The following PHF11 variants were observed in gnomAD, a reference collection of about 807,000 sequenced individuals.
PHF11 encodes the protein BRCA1 C-terminus-associated protein.
A neutral mutation model predicts 40.5 loss-of-function variants in PHF11; 38 were observed. The ratio of observed to expected loss-of-function variants is 0.94; its 90% CI spans 0.72 to 1.23. The LOEUF (loss-of-function observed/expected upper bound fraction) is 1.23, where lower values mean the gene tolerates loss of function less well. PHF11 is among the 50% of genes most tolerant of loss of function. The pLI is 0.00. For synonymous variants in PHF11, 127 were observed against 138.2 expected (o/e 0.92, Z 0.57); for missense variants, 369 against 392.4 (o/e 0.94, Z 0.50).
chr13:49,520,670 A>G (rs1159279272), intron 4 of PHF11, among the ~76,000 whole-genome samples: 5 of 152,258 alleles, frequency 3.3e-5, no homozygotes, highest in Non-Finnish European at 7.4e-5. Flanking sequence ...TTGAAAGAAC[A>G]TAATCATCTT....
Position 49,527,404 on chromosome 13 carries a change from G to T in PHF11, c.841+946G>T, listed in dbSNP as rs1594227786. 3 of 152,270 alleles carry T rather than the reference G, an allele frequency of 2.0e-5. No homozygotes were observed. The East Asian group carries it at 5.8e-4, about 29-fold the overall frequency. 9.4% of individuals were successfully genotyped at this position (152,270 alleles called of 1,614,324 possible). A position where few individuals can be genotyped will look rare whatever the true frequency, so the allele number is the denominator to read the frequency against. On this transcript the variant is annotated intron_variant, in intron 9 of 9. Transcript: ENST00000378319. Reference sequence around the variant, plus strand: ...TTCCACAGATGCATCTGTCTCTCCAGCATATGGTAGGAAGACAATAAGATT... The same window carrying T: ...TTCCACAGATGCATCTGTCTCTCCATCATATGGTAGGAAGACAATAAGATT...
chr13:49,509,361 T>G (rs567943239), intron 2 of PHF11, among the ~76,000 whole-genome samples: 1 of 152,108 alleles, frequency 6.6e-6, no homozygotes, highest in African/African-American at 2.4e-5. Flanking sequence ...TACAGGCACA[T>G]GCCACCACGC....
chr13:49,506,908 T>TG (rs1380077319), intron 2 of PHF11, 152 bp downstream of exon 2: 1 of 515,850 alleles, frequency 1.9e-6, no homozygotes, highest in African/African-American at 2.2e-5. Context: ...CTTTTTTTTT[T>TG]TTTTTTTTTT....
In PHF11 at chr13:49,506,720, ACAAT is replaced by A; in HGVS notation, c.183_186del (p.Ser62ArgfsTer3). On this transcript the variant is annotated frameshift_variant, in exon 2 of 10. Coordinates refer to ENST00000378319, the MANE Select transcript of PHF11 (RefSeq NM_001040443.3). LOFTEE classifies it high-confidence loss of function. ...TCGAATATAATGTCCTATACTTTGCACAATCAGAGAATATAGCTGCTCATGAGAA... is the reference window on the plus strand; with the variant it reads ...TCGAATATAATGTCCTATACTTTGCACAGAGAATATAGCTGCTCATGAGAA... The A allele has an allele frequency of 6.2e-7, 1 of 1,608,872 alleles. No individual in the cohort carries two copies. Among genetic ancestry groups the A allele is most frequent in the Non-Finnish European group, 8.5e-7 (1 of 1,175,656 alleles).
chr13:49,515,732 C>G (rs1257645729), intron 3 of PHF11, among the ~76,000 whole-genome samples: 1 of 152,062 alleles, frequency 6.6e-6, no homozygotes. Flanking sequence ...GACACTCGCC[C>G]GACTGTCTCT....
At chr13:49,513,219 T>C (rs1457132553) in intron 3 of PHF11, 53 bp downstream of exon 3, 2 of 853,194 alleles carry the variant, frequency 2.3e-6, no homozygotes, top group South Asian at 1.5e-5. Flanking sequence ...CCTCAAGGAA[T>C]GCATTCCAAA....
At chr13:49,508,530 G>A (rs576203653) in intron 2 of PHF11, among the ~76,000 whole-genome samples, 1 of 150,970 alleles carries the variant, frequency 6.6e-6, no homozygotes, top group Non-Finnish European at 1.5e-5. Context: ...ATATTCCTGG[G>A]CAAGTTTTTT....
chr13:49,525,132 A>C (rs117103510), intron 8 of PHF11, among the ~76,000 whole-genome samples: 1 of 152,320 alleles, frequency 6.6e-6, no homozygotes, highest in Non-Finnish European at 1.5e-5. Context: ...AAGGAATTTT[A>C]ATGTTTTGAC....
At chr13:49,526,527 T>A in intron 9 of PHF11, 69 bp downstream of exon 9, 1 of 861,798 alleles carries the variant, frequency 1.2e-6, no homozygotes, top group Non-Finnish European at 2.0e-6. Context: ...TGAAACAATA[T>A]ACTGTACAGG....
chr13:49,525,644 G>A (rs528818472), intron 8 of PHF11: 9 of 332,268 alleles, frequency 2.7e-5, no homozygotes, highest in African/African-American at 1.8e-4. Context: ...TTATATTGTA[G>A]GCAACAATAT....
At chr13:49,526,271 G>C in intron 8 of PHF11, 116 bp from the exon 9 acceptor site, 1 of 656,532 alleles carries the variant, frequency 1.5e-6, no homozygotes, top group Non-Finnish European at 2.8e-6. Context: ...TAACATTAAA[G>C]TTCCATGGCA....
chr13:49,515,640 C>T (rs902357579), intron 3 of PHF11, among the ~76,000 whole-genome samples: 1 of 152,100 alleles, frequency 6.6e-6, no homozygotes, highest in Non-Finnish European at 1.5e-5. Context: ...CTAGGTGCAT[C>T]TTGCATTCAT....
At chr13:49,496,586 C>T in intron 1 of PHF11, 1 of 335,206 alleles carries the variant, frequency 3.0e-6, no homozygotes, top group Non-Finnish European at 4.2e-6. Context: ...CCTCCCCGGC[C>T]CTCTACTTGA....
intron 3 of PHF11, among the ~76,000 whole-genome samples, chr13:49,514,222 G>T (rs1330057271): frequency 6.6e-6 from 1 of 152,148 alleles, no homozygotes; most frequent in Non-Finnish European, 1.5e-5. Flanking sequence ...TTAATAACCA[G>T]GGACAAATGT....
chr13:49,506,782 AAG>A, intron 2 of PHF11, 26 bp downstream of exon 2: 1 of 1,570,630 alleles, frequency 6.4e-7, no homozygotes, highest in Non-Finnish European at 8.7e-7. Flanking sequence ...ACATACTTCA[AAG>A]TACATGAGTA....
intron 1 of PHF11, among the ~76,000 whole-genome samples, chr13:49,506,233 T>TA (rs546735570): frequency 0.024 from 2,873 of 120,542 alleles, 89 homozygotes; most frequent in African/African-American, 0.069. Flanking sequence ...CCCCGGTCTC[T>TA]AAAAAAAAAA....
At chr13:49,506,498 C>T (rs1275206235) in intron 1 of PHF11, 137 bp from the exon 2 acceptor site, 3 of 731,494 alleles carry the variant, frequency 4.1e-6, no homozygotes, top group Admixed American at 5.0e-5. Flanking sequence ...ACTTGGGTCC[C>T]CAATATTTTG....
At chr13:49,504,497 CCG>C (rs1958952427) in intron 1 of PHF11, among the ~76,000 whole-genome samples, 2 of 64,074 alleles carry the variant, frequency 3.1e-5, no homozygotes, top group South Asian at 3.6e-4. Flanking sequence ...GCCAGCCGCC[CCG>C]TCCGGGAGGT....
In PHF11 at chr13:49,528,730, G is replaced by A; in HGVS notation, c.*65G>A. The A allele has an allele frequency of 8.3e-7, 1 of 1,211,480 alleles. No homozygotes were observed. The highest frequency in any genetic ancestry group is 1.4e-5 in the South Asian group (1 of 72,332). 75.0% of individuals were successfully genotyped at this position (1,211,480 alleles called of 1,614,324 possible). On this transcript the variant is annotated 3_prime_UTR_variant, in exon 10 of 10. Coordinates refer to ENST00000378319, the MANE Select transcript of PHF11 (RefSeq NM_001040443.3). Reference sequence around the variant, plus strand: ...AATCAGGCTCAAAACCAGAGACCAGGCTGTGAAATCCACACATCTTTAGAA... The same window carrying A: ...AATCAGGCTCAAAACCAGAGACCAGACTGTGAAATCCACACATCTTTAGAA...
Sources: gnomAD v4.1 joint callset for allele counts (sites outside exome capture counted in the v4.1 genomes callset) on GRCh38, gnomAD v4.1.1 for gene constraint, MANE v1.5 for transcripts, NCBI Gene and HGNC (gene_info 2026-07-23, HGNC 2026-07-21) for gene names.